Variants in TSPAN5 observed in about 807,000 individuals in gnomAD.
TSPAN5 encodes the protein tetraspanin 5.
Under a neutral mutation model 37.1 loss-of-function variants are expected in TSPAN5, and 10 were observed. The ratio of observed to expected loss-of-function variants is 0.27; its 90% CI spans 0.17 to 0.46. TSPAN5 has a LOEUF of 0.46. Among genes scored for constraint, TSPAN5 ranks in the 20% least tolerant of loss-of-function variants. TSPAN5 has a pLI of 1.00. For missense variants in TSPAN5, 195 were observed against 326.6 expected (o/e 0.60, Z 3.11); for synonymous variants, 110 against 118.9 (o/e 0.93, Z 0.48).
At chr4:98,480,807 A>G (rs1229932888) in intron 4 of TSPAN5, among the ~76,000 whole-genome samples, 1 of 152,188 alleles carries the variant, frequency 6.6e-6, no homozygotes, top group African/African-American at 2.4e-5. Context: ...AAAACAGTGA[A>G]GTCGGCTGAG....
chr4:98,492,177 C>T (rs1310549486), intron 2 of TSPAN5, among the ~76,000 whole-genome samples: 1 of 152,172 alleles, frequency 6.6e-6, no homozygotes, highest in Non-Finnish European at 1.5e-5. Flanking sequence ...CCTGGATTCC[C>T]TTCCTAAAGT....
At position 98,482,131 on chromosome 4, in the gene TSPAN5, G is replaced by A. The variant is rs765314548; in HGVS notation, c.324C>T (p.Ala108=). The change falls in exon 4 of 8, where the codon GCC becomes GCT. Residue 108 remains alanine, a synonymous_variant. Transcript: ENST00000305798. ...CTTTGAAAACAAATGCTAGAACTCC[G>A]GCAGTGAGCTCCAGGAAGAAAATAA... ...LGIIFFLELT[A]GVLAFVFKDW... The A allele has an allele frequency of 2.1e-5, 34 of 1,613,884 alleles. No homozygotes were observed. The highest frequency in any genetic ancestry group is 1.6e-4 in the Middle Eastern group (1 of 6,082).
chr4:98,606,542 C>T (rs866699235), intron 1 of TSPAN5, among the ~76,000 whole-genome samples: 1 of 152,178 alleles, frequency 6.6e-6, no homozygotes. Flanking sequence ...TCATCCTCCA[C>T]CCTACATCAA....
chr4:98,495,530 TCAAAA>T (rs1560512031), intron 2 of TSPAN5, among the ~76,000 whole-genome samples: 1 of 35,358 alleles, frequency 2.8e-5, no homozygotes. Flanking sequence ...AGCCTCCGTC[TCAAAA>T]AAAAAAAAAA....
chr4:98,482,149 G>C lies in TSPAN5; in HGVS notation c.306C>G (p.Phe102Leu). The C allele has an allele frequency of 1.9e-6, 3 of 1,613,888 alleles. No homozygotes were observed. Among genetic ancestry groups the C allele is most frequent in the Non-Finnish European group, 2.5e-6 (3 of 1,179,938 alleles). The change falls in exon 4 of 8, where the codon TTC becomes TTG. Residue 102 changes from phenylalanine to leucine, a missense_variant. Transcript: ENST00000305798. ...KFFSVFLGII[F>L]FLELTAGVLA... Reference sequence around the variant, plus strand: ...GAACTCCGGCAGTGAGCTCCAGGAAGAAAATAATTCCCAGGAACACAGAAA... The same window carrying C: ...GAACTCCGGCAGTGAGCTCCAGGAACAAAATAATTCCCAGGAACACAGAAA...
intron 1 of TSPAN5, among the ~76,000 whole-genome samples, chr4:98,545,045 TCTCATG>T (rs1414019736): frequency 6.6e-6 from 1 of 152,092 alleles, no homozygotes; most frequent in Non-Finnish European, 1.5e-5. Context: ...GACCAGTGCC[TCTCATG>T]GCTCCGTGAC....
At chr4:98,483,754 T>A (rs1334979714) in intron 3 of TSPAN5, 3 of 152,324 alleles carry the variant, frequency 2.0e-5, no homozygotes, top group Admixed American at 6.5e-5. Context: ...CCTGATTATA[T>A]ATCCTTCAGG....
intron 1 of TSPAN5, among the ~76,000 whole-genome samples, chr4:98,578,709 C>T (rs1755302172): frequency 6.6e-6 from 1 of 152,184 alleles, no homozygotes; most frequent in African/African-American, 2.4e-5. Flanking sequence ...CATGAGCCAC[C>T]TGTGCCTAGC....
intron 1 of TSPAN5, among the ~76,000 whole-genome samples, chr4:98,625,627 T>G (rs2110255077): frequency 6.6e-6 from 1 of 152,348 alleles, no homozygotes; most frequent in African/African-American, 2.4e-5. Flanking sequence ...TCTGGTCCAC[T>G]CTAAAATACG....
chr4:98,505,896 G>T (rs2110284626), intron 2 of TSPAN5, among the ~76,000 whole-genome samples: 1 of 152,296 alleles, frequency 6.6e-6, no homozygotes, highest in Non-Finnish European at 1.5e-5. Flanking sequence ...AATCTTGATG[G>T]TGGCCCTTAC....
chr4:98,509,177 T>C (rs1020751480), intron 1 of TSPAN5, among the ~76,000 whole-genome samples: 1 of 152,188 alleles, frequency 6.6e-6, no homozygotes, highest in African/African-American at 2.4e-5. Context: ...AGCACACCGT[T>C]TATTTTACTA....
chr4:98,622,845 G>A (rs1229144610), intron 1 of TSPAN5, among the ~76,000 whole-genome samples: 1 of 152,122 alleles, frequency 6.6e-6, no homozygotes, highest in African/African-American at 2.4e-5. Flanking sequence ...CTGAAAATGA[G>A]TGGTGGGACA....
At chr4:98,603,984 G>A (rs1755944324) in intron 1 of TSPAN5, among the ~76,000 whole-genome samples, 1 of 151,998 alleles carries the variant, frequency 6.6e-6, no homozygotes, top group Non-Finnish European at 1.5e-5. Flanking sequence ...AATTACTTTG[G>A]TCATTTTGAA....
chr4:98,544,723 G>T (rs564287657), intron 1 of TSPAN5, among the ~76,000 whole-genome samples: 1 of 152,262 alleles, frequency 6.6e-6, no homozygotes, highest in African/African-American at 2.4e-5. Context: ...AGACGGGGTG[G>T]CTAAAAAGAA....
intron 1 of TSPAN5, among the ~76,000 whole-genome samples, chr4:98,531,470 T>G (rs10020799): frequency 0.55 from 83,755 of 152,054 alleles, 23,589 homozygotes; most frequent in African/African-American, 0.66. Flanking sequence ...AGTCTATCAC[T>G]GATGGACATT....
intron 1 of TSPAN5, among the ~76,000 whole-genome samples, chr4:98,531,303 A>G (rs1012131846): frequency 6.6e-6 from 1 of 151,960 alleles, no homozygotes; most frequent in Admixed American, 6.6e-5. Flanking sequence ...CCCACTTATG[A>G]GTGAGAACAT....
rs1401347465 is a variant in TSPAN5, at chr4:98,470,961, C to G, written c.*1561G>C. 3 of 152,196 alleles carry G rather than the reference C, an allele frequency of 2.0e-5. No individual in the cohort carries two copies. The highest frequency in any genetic ancestry group is 3.9e-4 in the East Asian group (2 of 5,192). 9.4% of individuals were successfully genotyped at this position (152,196 alleles called of 1,614,324 possible). On this transcript the variant is annotated 3_prime_UTR_variant, in exon 8 of 8. Transcript: ENST00000305798. ...TGTGGTTTTCCCAGAGTTCCACAGA[C>G]TGATATCTGCTCCCCAGGAGGGCAA...
chr4:98,616,935 C>T (rs1188782027), intron 1 of TSPAN5, among the ~76,000 whole-genome samples: 2 of 151,300 alleles, frequency 1.3e-5, no homozygotes, highest in South Asian at 2.1e-4. Flanking sequence ...GCCATCCTCC[C>T]ACCTCGACCT....
At chr4:98,575,538 C>G (rs944977249) in intron 1 of TSPAN5, among the ~76,000 whole-genome samples, 1 of 151,944 alleles carries the variant, frequency 6.6e-6, no homozygotes. Flanking sequence ...TTTCTGCTAA[C>G]GAGACGTCTG....
Sources: allele counts gnomAD v4.1 joint callset (sites outside exome capture counted in the v4.1 genomes callset), GRCh38; gene constraint gnomAD v4.1.1; transcripts MANE v1.5; gene names NCBI Gene and HGNC (gene_info 2026-07-23, HGNC 2026-07-21).